Variants in LNX2 observed in about 807,000 individuals in gnomAD.
LNX2 encodes ligand of Numb protein X 2.
Under a neutral mutation model 66.2 loss-of-function variants are expected in LNX2, and 35 were observed. That is an observed-to-expected ratio of 0.53 (90% confidence interval 0.40 to 0.70). The LOEUF (loss-of-function observed/expected upper bound fraction) is 0.70. LNX2 is among the 30% of genes least tolerant of loss of function. The pLI is 0.00. For synonymous variants in LNX2, 337 were observed against 315.6 expected (o/e 1.07, Z -0.72); for missense variants, 791 against 850.8 (o/e 0.93, Z 0.87).
At chr13:27,561,021 A>G (rs1231130051) in intron 5 of LNX2, among the ~76,000 whole-genome samples, 6 of 152,228 alleles carry the variant, frequency 3.9e-5, no homozygotes, top group African/African-American at 1.4e-4. Context: ...AAATCCAAAA[A>G]CAATAACGCT....
At chr13:27,568,155 C>T (rs991657624) in intron 3 of LNX2, among the ~76,000 whole-genome samples, 1 of 152,046 alleles carries the variant, frequency 6.6e-6, no homozygotes, top group African/African-American at 2.4e-5. Context: ...ATTTGGACCA[C>T]GAAACAACTG....
Position 27,550,363 on chromosome 13 carries a change from C to T in LNX2, c.1907G>A (p.Gly636Glu), listed in dbSNP as rs1308564924. The change falls in exon 9 of 10, where the codon GGA (glycine) becomes GAA (glutamate). Residue 636 changes from glycine to glutamate, a missense_variant. By Grantham distance (98) the Gly-to-Glu change is moderately conservative. Coordinates refer to ENST00000316334, the MANE Select transcript of LNX2 (RefSeq NM_153371.4). ...TCTTCCATCATAATAAGCAGGAGTT[C>T]CCAAGACAATAGTTTTAATGAAAAA... ...QPFFIKTIVL[G>E]TPAYYDGRLK... is the part of the protein sequence containing the mutation. 2 of 1,613,674 alleles carry T rather than the reference C, an allele frequency of 1.2e-6. No homozygotes were observed. The highest frequency in any genetic ancestry group is 8.5e-7 in the Non-Finnish European group (1 of 1,179,834).
At chr13:27,598,217 AAAAG>A (rs1955620688) in intron 1 of LNX2, among the ~76,000 whole-genome samples, 1 of 151,732 alleles carries the variant, frequency 6.6e-6, no homozygotes. Context: ...AAAAAAAAAA[AAAAG>A]ACATGATCAA....
chr13:27,588,033 A>C (rs1388671399), intron 1 of LNX2, among the ~76,000 whole-genome samples: 3 of 31,278 alleles, frequency 9.6e-5, no homozygotes, highest in African/African-American at 3.0e-4. Context: ...AAAAAAAAAA[A>C]AAAAAAAAAA....
intron 6 of LNX2, among the ~76,000 whole-genome samples, chr13:27,557,202 G>A (rs1955072251): frequency 6.6e-6 from 1 of 151,990 alleles, no homozygotes; most frequent in East Asian, 1.9e-4. Flanking sequence ...CCTGTGAAAA[G>A]CTAATGCCTT....
At chr13:27,593,519 A>G (rs1955566130) in intron 1 of LNX2, among the ~76,000 whole-genome samples, 1 of 150,754 alleles carries the variant, frequency 6.6e-6, no homozygotes, top group Non-Finnish European at 1.5e-5. Context: ...TCTCTCTTCA[A>G]TATCACTAAC....
chr13:27,612,101 A>T (rs914416564), intron 1 of LNX2, among the ~76,000 whole-genome samples: 5 of 152,254 alleles, frequency 3.3e-5, no homozygotes, highest in African/African-American at 1.2e-4. Context: ...GTCCTAGAGA[A>T]ATCACAGCAG....
At chr13:27,548,763 T>TA (rs1424348088) in intron 9 of LNX2, among the ~76,000 whole-genome samples, 1 of 152,164 alleles carries the variant, frequency 6.6e-6, no homozygotes. Context: ...GCTCTCTCTT[T>TA]AAAAAAATAC....
intron 1 of LNX2, among the ~76,000 whole-genome samples, chr13:27,594,164 T>G (rs933787898): frequency 2.6e-5 from 4 of 152,204 alleles, no homozygotes; most frequent in Non-Finnish European, 5.9e-5. Flanking sequence ...ATTTTATAGT[T>G]GAAAATATTT....
At chr13:27,609,168 T>A (rs1411396024) in intron 1 of LNX2, among the ~76,000 whole-genome samples, 2 of 142,300 alleles carry the variant, frequency 1.4e-5, no homozygotes, top group Non-Finnish European at 3.1e-5. Flanking sequence ...TCTTTTTTTT[T>A]AAGAGATGGA....
intron 7 of LNX2, among the ~76,000 whole-genome samples, chr13:27,554,755 T>C (rs1222499657): frequency 6.6e-6 from 1 of 152,218 alleles, no homozygotes; most frequent in Admixed American, 6.5e-5. Context: ...GAATTGCTGG[T>C]CATATGGAAA....
chr13:27,581,864 A>C, intron 1 of LNX2, 61 bp from the exon 2 acceptor site: 1 of 488,306 alleles, frequency 2.0e-6, no homozygotes, highest in Non-Finnish European at 3.5e-6. Flanking sequence ...ATAGGTTAAA[A>C]GTATCAATGT....
chr13:27,585,128 G>GA (rs1353492100), intron 1 of LNX2, among the ~76,000 whole-genome samples: 1,151 of 78,198 alleles, frequency 0.015, 3 homozygotes, highest in Non-Finnish European at 0.018. Flanking sequence ...CTCAGAAAAA[G>GA]AAAAAAAAAA....
chr13:27,561,340 A>G (rs1038413630), intron 5 of LNX2, among the ~76,000 whole-genome samples: 2 of 152,136 alleles, frequency 1.3e-5, no homozygotes, highest in Admixed American at 6.5e-5. Context: ...AACAGATGCT[A>G]TAACTCTATT....
chr13:27,562,878 T>C, intron 4 of LNX2, 97 bp from the exon 5 acceptor site: 4 of 1,255,476 alleles, frequency 3.2e-6, no homozygotes, highest in Non-Finnish European at 4.4e-6. Context: ...CTAAGTATTG[T>C]GAGAGTGCTA....
chr13:27,559,797 C>T (rs755618104), intron 6 of LNX2, 45 bp downstream of exon 6: 2 of 1,456,402 alleles, frequency 1.4e-6, no homozygotes, highest in Admixed American at 2.2e-5. Flanking sequence ...CAGCTTGTAA[C>T]AATGATCCTT....
At chr13:27,551,467 AAAC>A (rs2138311508) in intron 8 of LNX2, among the ~76,000 whole-genome samples, 1 of 152,160 alleles carries the variant, frequency 6.6e-6, no homozygotes, top group East Asian at 1.9e-4. Context: ...AAAATCTTAA[AAAC>A]AAAACAAACA....
intron 2 of LNX2, among the ~76,000 whole-genome samples, chr13:27,571,592 A>G (rs952009958): frequency 1.3e-5 from 2 of 152,210 alleles, no homozygotes; most frequent in Non-Finnish European, 2.9e-5. Flanking sequence ...TTCTGTGAAT[A>G]CACTAAATAG....
At position 27,547,663 on chromosome 13, in the gene LNX2, T is replaced by C. The variant is rs1160677272; in HGVS notation, c.*672A>G. On this transcript the variant is annotated 3_prime_UTR_variant, in exon 10 of 10. Transcript: ENST00000316334. ...CAAGGTCAGGAGATCGAGACCATCC[T>C]GGCTAACACGGTGAAACCCCGTCTC... 6.6e-6 allele frequency: 1 copy of C among 152,268 alleles called. No homozygotes were observed. The highest frequency in any genetic ancestry group is 2.4e-5 in the African/African-American group (1 of 41,442). The allele number at this position is 152,268 out of a possible 1,614,324, so 9.4% of individuals were successfully genotyped here. A position where few individuals can be genotyped will look rare whatever the true frequency, so the allele number is the denominator to read the frequency against.
Sources: allele counts gnomAD v4.1 joint callset (sites outside exome capture counted in the v4.1 genomes callset), GRCh38; gene constraint gnomAD v4.1.1; transcripts MANE v1.5; gene names NCBI Gene and HGNC (gene_info 2026-07-23, HGNC 2026-07-21).